The following C2CD3 variants were observed in gnomAD, a reference collection of about 807,000 sequenced individuals.
C2CD3 encodes the protein C2 domain-containing protein 3.
In C2CD3, 148 loss-of-function variants were observed where a neutral mutation model predicts 234.0. That is an observed-to-expected ratio of 0.63 (90% CI 0.55 to 0.72). The LOEUF is 0.72. C2CD3 is among the 30% of genes least tolerant of loss of function. The probability of loss-of-function intolerance (pLI) is 0.00; values close to 1 mark genes in which losing one functional copy is unlikely to be tolerated. For synonymous variants in C2CD3, 1,000 were observed against 1,035.4 expected (o/e 0.97, Z 0.66); for missense variants, 2,577 against 2,811.5 (o/e 0.92, Z 1.89).
Position 74,103,586 on chromosome 11 carries a change from C to G in C2CD3, c.2125G>C (p.Gly709Arg), listed in dbSNP as rs773057793. 8 of 1,612,738 alleles carry G rather than the reference C, an allele frequency of 5.0e-6. No individual in the cohort carries two copies. Among genetic ancestry groups the G allele is most frequent in the Middle Eastern group, 1.6e-4 (1 of 6,084 alleles). Residue 709 changes from glycine (G) to arginine (R), a missense_variant, in exon 14 of 33, where the codon GGT becomes CGT. By Grantham distance (125) the Gly-to-Arg change is moderately radical. Coordinates refer to ENST00000334126, the MANE Select transcript of C2CD3 (RefSeq NM_001286577.2). ...ELITDNKDFT[G>R]INTKLSGNTH... ...TTGCCACTTAACTTAGTATTGATAC[C>G]AGTGAAATCTTTGTTATCTGTAATA... is the stretch of plus-strand genomic sequence containing the variant.
At chr11:74,142,734 C>T (rs190163496) in intron 3 of C2CD3, among the ~76,000 whole-genome samples, 14 of 152,134 alleles carry the variant, frequency 9.2e-5, no homozygotes, top group Non-Finnish European at 1.9e-4. Context: ...CAAACTTTGA[C>T]GGTATAAAAC....
intron 9 of C2CD3, among the ~76,000 whole-genome samples, chr11:74,116,861 T>TACACGTGTATATGTATATATAC (rs1956957362): frequency 5.8e-5 from 8 of 138,974 alleles, no homozygotes; most frequent in Non-Finnish European, 9.5e-5. Flanking sequence ...TATGTGTATA[T>TACACGTGTATATGTATATATAC]ACACGTGTAT....
At position 74,150,841 on chromosome 11, in the gene C2CD3, G is replaced by A. The variant is rs544256502; in HGVS notation, c.483+10558C>T. On this transcript the variant is annotated intron_variant, in intron 3 of 32. Coordinates refer to ENST00000334126, the MANE Select transcript of C2CD3 (RefSeq NM_001286577.2). ...CTTGAGTCAACATTCTAATTTCCCT[G>A]ATTGTTTCAGATTTTTTACAATTGG... Among the ~76,000 whole-genome samples, 3 of 151,930 alleles carry A rather than the reference G, an allele frequency of 2.0e-5. No individual in the cohort carries two copies. The South Asian group carries it at 6.2e-4, about 32-fold the overall frequency.
chr11:74,033,755 C>T lies in C2CD3; in HGVS notation c.6405G>A (p.Arg2135=), dbSNP rs1419696432. 2 of 1,536,180 alleles carry T rather than the reference C, an allele frequency of 1.3e-6. No individual in the cohort carries two copies. The highest frequency in any genetic ancestry group is 1.2e-5 in the South Asian group (1 of 84,050). ...VKSSFLSSPE[R]AVNPHLPRQG... ...GCCTAGGCAGGTGGGGGTTGACAGC[C>T]CTTTCTGGGCTGGAGAGAAAGCTAC... Residue 2135 remains arginine, a synonymous_variant, in exon 31 of 33, where the codon AGG becomes AGA. Transcript: ENST00000334126.
chr11:74,113,940 A>G (rs1042541223), intron 10 of C2CD3, 48 bp from the exon 11 acceptor site: 2 of 1,124,036 alleles, frequency 1.8e-6, no homozygotes, highest in African/African-American at 3.1e-5. Context: ...CAATAAACCT[A>G]ATTTCCGTCT....
intron 29 of C2CD3, among the ~76,000 whole-genome samples, 195 bp downstream of exon 29, chr11:74,041,859 A>G (rs1953077405): frequency 6.6e-6 from 1 of 152,204 alleles, no homozygotes; most frequent in Non-Finnish European, 1.5e-5. Flanking sequence ...GGAAGGTCCC[A>G]AGCTGATACA....
In C2CD3 at chr11:74,013,276, T is replaced by C; in HGVS notation, c.*109A>G. The C allele has an allele frequency of 2.3e-6, 1 of 431,730 alleles. No individual in the cohort carries two copies. The highest frequency in any genetic ancestry group is 4.1e-6 in the Non-Finnish European group (1 of 243,980). 26.7% of individuals were successfully genotyped at this position (431,730 alleles called of 1,614,324 possible). On this transcript the variant is annotated 3_prime_UTR_variant, in exon 33 of 33. Transcript: ENST00000334126. ...TCCGTGGCCTAGGCAAGTGGTGGTT[T>C]CAGGACTGTGACAGCCCTGAAGGAG...
intron 22 of C2CD3, among the ~76,000 whole-genome samples, chr11:74,080,771 G>T (rs542191985): frequency 1.3e-5 from 2 of 151,688 alleles, no homozygotes; most frequent in South Asian, 4.2e-4. Flanking sequence ...AGGAAATTGA[G>T]GTATCCTACG....
intron 3 of C2CD3, among the ~76,000 whole-genome samples, chr11:74,149,698 CA>C (rs1855467636): frequency 6.6e-6 from 1 of 151,856 alleles, no homozygotes; most frequent in Non-Finnish European, 1.5e-5. Context: ...CACCTCAAAT[CA>C]AGGGATTCTC....
chr11:74,033,768 G>C lies in C2CD3; in HGVS notation c.6392C>G (p.Ser2131Cys). Residue 2131 changes from serine to cysteine, a missense_variant, in exon 31 of 33, where the codon TCC becomes TGC. Transcript: ENST00000334126. ...GGGGTTGACAGCCCTTTCTGGGCTGGAGAGAAAGCTACTTTTGACCATAAG... is the reference window on the plus strand; with the variant it reads ...GGGGTTGACAGCCCTTTCTGGGCTGCAGAGAAAGCTACTTTTGACCATAAG... ...EELMVKSSFL[S>C]SPERAVNPHL... The C allele has an allele frequency of 6.5e-7, 1 of 1,536,366 alleles. No homozygotes were observed.
chr11:74,160,895 AAAGT>A (rs1194565281), intron 3 of C2CD3, among the ~76,000 whole-genome samples: 1 of 152,226 alleles, frequency 6.6e-6, no homozygotes, highest in Non-Finnish European at 1.5e-5. Flanking sequence ...TAAAATTTAC[AAAGT>A]AAGCTGAATC....
chr11:74,033,430 G>A lies in C2CD3; in HGVS notation c.6730C>T (p.Pro2244Ser). ...SQSRRENHKG[P>S]PIDSSDIRQR... Reference sequence around the variant, plus strand: ...CTGATGTCAGAGGAGTCGATGGGTGGTCCCTTATGGTTTTCCCTTCTGCTC... The same window carrying A: ...CTGATGTCAGAGGAGTCGATGGGTGATCCCTTATGGTTTTCCCTTCTGCTC... The change falls in exon 31 of 33, where the codon CCA becomes TCA. Residue 2244 changes from proline (P) to serine (S), a missense_variant. Coordinates refer to ENST00000334126, the MANE Select transcript of C2CD3 (RefSeq NM_001286577.2). 1.3e-6 allele frequency: 2 copies of A among 1,536,150 alleles called. No homozygotes were observed. Among genetic ancestry groups the A allele is most frequent in the Non-Finnish European group, 1.7e-6 (2 of 1,146,904 alleles).
chr11:74,150,668 G>A, intron 3 of C2CD3, among the ~76,000 whole-genome samples: 1 of 151,376 alleles, frequency 6.6e-6, no homozygotes, highest in Non-Finnish European at 1.5e-5. Context: ...GCCCTGCTTT[G>A]TTACTGGATT....
chr11:74,022,801 T>A (rs890816294), intron 32 of C2CD3, among the ~76,000 whole-genome samples: 1 of 152,232 alleles, frequency 6.6e-6, no homozygotes. Flanking sequence ...TGATTTATAA[T>A]GAATTTGGAA....
intron 23 of C2CD3, among the ~76,000 whole-genome samples, chr11:74,077,624 T>C (rs1334571136): frequency 6.6e-6 from 1 of 150,710 alleles, no homozygotes; most frequent in East Asian, 2.0e-4. Flanking sequence ...CACTGGGGCC[T>C]GTTAGGGGTG....
chr11:74,146,905 T>G (rs894110000), intron 3 of C2CD3, among the ~76,000 whole-genome samples: 1 of 151,486 alleles, frequency 6.6e-6, no homozygotes, highest in Non-Finnish European at 1.5e-5. Flanking sequence ...ATACAAAAAT[T>G]AGATGGGCGT....
chr11:74,094,768 GT>G (rs1321658843), intron 17 of C2CD3, among the ~76,000 whole-genome samples: 4 of 152,178 alleles, frequency 2.6e-5, no homozygotes, highest in Admixed American at 6.5e-5. Flanking sequence ...AGGGTAAGTT[GT>G]TTTAGGAGTT....
intron 18 of C2CD3, among the ~76,000 whole-genome samples, chr11:74,093,521 G>A (rs966739854): frequency 2.0e-5 from 3 of 151,664 alleles, no homozygotes; most frequent in African/African-American, 4.8e-5. Flanking sequence ...AGTAAGGGAC[G>A]CACAAAAAAG....
At chr11:74,150,521 A>ACC (rs1206659470) in intron 3 of C2CD3, among the ~76,000 whole-genome samples, 1 of 74,874 alleles carries the variant, frequency 1.3e-5, no homozygotes, top group Non-Finnish European at 2.9e-5. Context: ...AAAAACAAAA[A>ACC]AAAAACAAAA....
Sources: allele counts gnomAD v4.1 joint callset (sites outside exome capture counted in the v4.1 genomes callset), GRCh38; gene constraint gnomAD v4.1.1; transcripts MANE v1.5; gene names NCBI Gene and HGNC (gene_info 2026-07-23, HGNC 2026-07-21).